DNAJC3: variants seen among roughly 807,000 people sequenced by gnomAD.
The protein encoded by DNAJC3 is DnaJ heat shock protein family (Hsp40) member C3.
A neutral mutation model predicts 68.6 loss-of-function variants in DNAJC3; 38 were observed. The ratio of observed to expected loss-of-function variants is 0.55; its 90% CI spans 0.43 to 0.73. The LOEUF is 0.73. DNAJC3 is among the 30% of genes least tolerant of loss of function. The pLI is 0.00. For synonymous variants in DNAJC3, 203 were observed against 204.0 expected (o/e 1.00, Z 0.04); for missense variants, 526 against 591.9 (o/e 0.89, Z 1.16).
intron 9 of DNAJC3, among the ~76,000 whole-genome samples, chr13:95,779,119 C>CTTTGTTTTTTTTTTTTTTT (rs1883366572): frequency 1.0e-5 from 1 of 97,974 alleles, no homozygotes; most frequent in East Asian, 2.9e-4. Context: ...TTTCTTCTTT[C>CTTTGTTTTTTTTTTTTTTT]TTTTTTTTTT....
Position 95,723,137 on chromosome 13 carries a change from A to G in DNAJC3, c.194-105A>G, listed in dbSNP as rs17884748. ...TGATGAGATTCTTTTCTTAATGTCC[A>G]TCTTAGTAGAGTTGCAAGTGCTGAT... On this transcript the variant is annotated intron_variant, in intron 2 of 11. Transcript: ENST00000602402. 4.1e-3 allele frequency: 4,170 copies of G among 1,021,454 alleles called. 119 individuals carry two copies. In the African/African-American group the frequency reaches 0.06, roughly 15 times the overall value. 63.3% of individuals were successfully genotyped at this position (1,021,454 alleles called of 1,614,324 possible). A position where few individuals can be genotyped will look rare whatever the true frequency, so the allele number is the denominator to read the frequency against.
intron 11 of DNAJC3, among the ~76,000 whole-genome samples, chr13:95,787,959 G>T (rs1421328641): frequency 6.6e-6 from 1 of 152,128 alleles, no homozygotes; most frequent in African/African-American, 2.4e-5. Context: ...ATGTCAGTGG[G>T]AACAGCAGCT....
At chr13:95,776,635 T>A (rs1883299350) in intron 9 of DNAJC3, among the ~76,000 whole-genome samples, 1 of 152,228 alleles carries the variant, frequency 6.6e-6, no homozygotes, top group East Asian at 1.9e-4. Context: ...TTTAGGAAAG[T>A]TTGTATTTTT....
Position 95,677,140 on chromosome 13 carries a change from G to A in DNAJC3, c.-116G>A. ...CGCTGCCTTCCTCTGCTGGGCTCCA[G>A]AGCCACTGAGGCCTGAGCGAGAGCC... is the stretch of plus-strand genomic sequence containing the variant. On this transcript the variant is annotated 5_prime_UTR_variant, in exon 1 of 12. Transcript: ENST00000602402. 1 of 843,196 alleles carries A rather than the reference G, an allele frequency of 1.2e-6. No homozygotes were observed. The highest frequency in any genetic ancestry group is 1.8e-6 in the Non-Finnish European group (1 of 565,556). 52.2% of individuals were successfully genotyped at this position (843,196 alleles called of 1,614,324 possible).
At chr13:95,706,673 AG>A (rs1880759723) in intron 1 of DNAJC3, among the ~76,000 whole-genome samples, 1 of 152,126 alleles carries the variant, frequency 6.6e-6, no homozygotes, top group South Asian at 2.1e-4. Flanking sequence ...TCCTCAGACA[AG>A]GGGGGAAAAC....
intron 9 of DNAJC3, among the ~76,000 whole-genome samples, chr13:95,782,113 GT>G (rs1265018028): frequency 2.0e-5 from 3 of 152,104 alleles, no homozygotes; most frequent in Non-Finnish European, 4.4e-5. Context: ...CTTCATCCAT[GT>G]TCCTGTGAAG....
rs771244540 is a variant in DNAJC3 at position 95,677,248 on chromosome 13, C to T, written c.-8C>T. 6.2e-7 allele frequency: 1 copy of T among 1,602,148 alleles called. No homozygotes were observed. The highest frequency in any genetic ancestry group is 8.5e-7 in the Non-Finnish European group (1 of 1,175,434). ...CCTTTCCTCCTCTTCACTCGCGAGCCCTCGGACATGGTGGCCCCCGGCTCC... is the reference window on the plus strand; with the variant it reads ...CCTTTCCTCCTCTTCACTCGCGAGCTCTCGGACATGGTGGCCCCCGGCTCC... On this transcript the variant is annotated 5_prime_UTR_variant, in exon 1 of 12. Coordinates refer to ENST00000602402, the MANE Select transcript of DNAJC3 (RefSeq NM_006260.5).
rs148487669 is a variant in DNAJC3 at position 95,791,694 on chromosome 13, C to T, written c.*664C>T. 1 of 152,002 alleles carries T rather than the reference C, an allele frequency of 6.6e-6. No individual in the cohort carries two copies. The highest frequency in any genetic ancestry group is 1.5e-5 in the Non-Finnish European group (1 of 68,034). The allele number at this position is 152,002 out of a possible 1,614,324, so 9.4% of individuals were successfully genotyped here. ...AAATGTACATTTTTTTGGTTCAGTA[C>T]CTGAAGAAGAATACTGAAACTTGAA... On this transcript the variant is annotated 3_prime_UTR_variant, in exon 12 of 12. Transcript: ENST00000602402.
In DNAJC3 at chr13:95,741,767, G is replaced by A. The variant is rs1882151835; in HGVS notation, c.394-15877G>A. The stretch of plus-strand genomic sequence containing the variant: ...GTGTGTCCTGGTGTATGCTACTGTG[G>A]TGGCATGGCAAGCTGGGTGGGCTCA... On this transcript the variant is annotated intron_variant, in intron 4 of 11. Transcript: ENST00000602402. Among the ~76,000 whole-genome samples the A allele has an allele frequency of 2.0e-5, 3 of 152,218 alleles. No individual in the cohort carries two copies. The South Asian group carries it at 6.2e-4, about 31-fold the overall frequency.
intron 9 of DNAJC3, among the ~76,000 whole-genome samples, chr13:95,781,472 C>T (rs756509837): frequency 1.3e-5 from 2 of 152,114 alleles, no homozygotes; most frequent in Non-Finnish European, 2.9e-5. Context: ...CTCCTGCTTC[C>T]TATCTTCCAG....
chr13:95,706,381 T>C (rs778435115), intron 1 of DNAJC3, among the ~76,000 whole-genome samples: 2 of 152,242 alleles, frequency 1.3e-5, no homozygotes, highest in Non-Finnish European at 2.9e-5. Flanking sequence ...TTAGAGCCAA[T>C]GTAGTGTTAT....
intron 9 of DNAJC3, among the ~76,000 whole-genome samples, chr13:95,780,745 G>T (rs776358690): frequency 6.6e-6 from 1 of 152,176 alleles, no homozygotes; most frequent in Non-Finnish European, 1.5e-5. Flanking sequence ...TTCTTTCAAA[G>T]GATTTCTTTG....
chr13:95,780,049 G>T (rs1315146473), intron 9 of DNAJC3, among the ~76,000 whole-genome samples: 1 of 152,030 alleles, frequency 6.6e-6, no homozygotes. Flanking sequence ...CTGGGGCCAG[G>T]GCAGCCTTCT....
intron 7 of DNAJC3, 35 bp from the exon 8 acceptor site, chr13:95,763,608 T>A: frequency 6.3e-7 from 1 of 1,596,334 alleles, no homozygotes; most frequent in Non-Finnish European, 8.6e-7. Context: ...AAATCAAATG[T>A]CATCATTTCT....
chr13:95,792,324 C>T lies in DNAJC3; in HGVS notation c.*1294C>T. 6.6e-6 allele frequency: 1 copy of T among 152,302 alleles called. No homozygotes were observed. Among genetic ancestry groups the T allele is most frequent in the South Asian group, 2.1e-4 (1 of 4,824 alleles). 9.4% of individuals were successfully genotyped at this position (152,302 alleles called of 1,614,324 possible). On this transcript the variant is annotated 3_prime_UTR_variant, in exon 12 of 12. Coordinates refer to ENST00000602402, the MANE Select transcript of DNAJC3 (RefSeq NM_006260.5). ...AATCAAGAATATTGAATATTTATGGCACTCTTGATGCTGCATTTGAAAGCT... is the reference window on the plus strand; with the variant it reads ...AATCAAGAATATTGAATATTTATGGTACTCTTGATGCTGCATTTGAAAGCT...
In DNAJC3 at chr13:95,684,192, G is replaced by A. The variant is rs888704119; in HGVS notation, c.82+6855G>A. Among the ~76,000 whole-genome samples, 76 of 152,236 alleles carry A rather than the reference G, an allele frequency of 5.0e-4. 1 individual carries two copies. The Middle Eastern group carries it at 0.01, about 20-fold the overall frequency. Reference sequence around the variant, plus strand: ...GGTTGTGACCAAAATGCTGATAGTGGTATAGACAGTGAAGTTCAGGCTGAG... The same window carrying A: ...GGTTGTGACCAAAATGCTGATAGTGATATAGACAGTGAAGTTCAGGCTGAG... On this transcript the variant is annotated intron_variant, in intron 1 of 11. Coordinates refer to ENST00000602402, the MANE Select transcript of DNAJC3 (RefSeq NM_006260.5).
chr13:95,772,922 T>G (rs1883193280), intron 9 of DNAJC3, among the ~76,000 whole-genome samples: 1 of 152,162 alleles, frequency 6.6e-6, no homozygotes, highest in East Asian at 1.9e-4. Context: ...GAGGGATAAT[T>G]GCTCTGTAAC....
At chr13:95,771,801 C>A (rs891250286) in intron 9 of DNAJC3, among the ~76,000 whole-genome samples, 1 of 152,152 alleles carries the variant, frequency 6.6e-6, no homozygotes, top group East Asian at 1.9e-4. Context: ...TCCCACCCCC[C>A]CACAGGCAAC....
At chr13:95,769,361 T>G (rs147563589) in intron 9 of DNAJC3, among the ~76,000 whole-genome samples, 1 of 152,206 alleles carries the variant, frequency 6.6e-6, no homozygotes, top group Non-Finnish European at 1.5e-5. Context: ...GGTTCCTGGC[T>G]TCTGTTTATG....
Sources: gnomAD v4.1 joint callset for allele counts (sites outside exome capture counted in the v4.1 genomes callset) on GRCh38, gnomAD v4.1.1 for gene constraint, MANE v1.5 for transcripts, NCBI Gene and HGNC (gene_info 2026-07-23, HGNC 2026-07-21) for gene names.